Variants in RSPH6A observed in about 807,000 individuals in gnomAD.
RSPH6A encodes radial spoke head 6 homolog A, also known as radial spoke head protein 6 homolog A.
A neutral mutation model predicts 66.1 loss-of-function variants in RSPH6A; 49 were observed. The observed-to-expected ratio is 0.74, with a 90% confidence interval of 0.59 to 0.94. The LOEUF (loss-of-function observed/expected upper bound fraction) is 0.94, where lower values mean the gene tolerates loss of function less well. Ranked by LOEUF, RSPH6A falls within the 40% of genes least tolerant of loss-of-function variation. The pLI, the probability that RSPH6A is intolerant of heterozygous loss-of-function variation, is 0.00. For missense variants in RSPH6A, 977 were observed against 948.3 expected (o/e 1.03, Z -0.40); for synonymous variants, 419 against 402.4 (o/e 1.04, Z -0.49).
At chr19:45,800,758 ACACACACACACACACACTCT>A (rs1445840164) in intron 4 of RSPH6A, among the ~76,000 whole-genome samples, 195 bp from the exon 5 acceptor site, 2 of 117,630 alleles carry the variant, frequency 1.7e-5, no homozygotes, top group Non-Finnish European at 3.8e-5. Flanking sequence ...ACACACACAC[ACACACACACACACACACTCT>A]CTCTCTCTCT....
At position 45,804,135 on chromosome 19, in the gene RSPH6A, T is replaced by A; in HGVS notation, c.1653+117A>T. On this transcript the variant is annotated intron_variant, in intron 3 of 5. Coordinates refer to ENST00000221538, the MANE Select transcript of RSPH6A (RefSeq NM_030785.4). The surrounding 1 kb of genome is among the most constrained non-coding windows in gnomAD (Gnocchi z 5.8). ...TTGAACCAATGAATGGATGGATGAA[T>A]GAACGAATGAATATTAGTTGCCCAG... The A allele has an allele frequency of 2.6e-6, 2 of 772,646 alleles. No individual in the cohort carries two copies. Among genetic ancestry groups the A allele is most frequent in the Non-Finnish European group, 4.1e-6 (2 of 491,472 alleles). 47.9% of individuals were successfully genotyped at this position (772,646 alleles called of 1,614,324 possible).
At position 45,804,945 on chromosome 19, in the gene RSPH6A, C is replaced by T. The variant is rs142574841; in HGVS notation, c.960G>A (p.Ser320=). ...CCAGGAAAATGCGGAAGCTCTCGTCCGAGCTCAGGCCGACGCCGGCCTGCT... is the reference window on the plus strand; with the variant it reads ...CCAGGAAAATGCGGAAGCTCTCGTCTGAGCTCAGGCCGACGCCGGCCTGCT... ...YFEQAGVGLS[S]DESFRIFLAM... The change falls in exon 3 of 6, where the codon TCG becomes TCA. Residue 320 remains serine (S), a synonymous_variant. Coordinates refer to ENST00000221538, the MANE Select transcript of RSPH6A (RefSeq NM_030785.4). This position sits in a 1 kb window ranked among gnomAD's most constrained non-coding sequence, Gnocchi z 5.8. The T allele has an allele frequency of 1.5e-5, 25 of 1,614,026 alleles. No homozygotes were observed. Among genetic ancestry groups the T allele is most frequent in the Admixed American group, 1.5e-4 (9 of 60,000 alleles).
chr19:45,802,599 C>G (rs1372189019), intron 3 of RSPH6A, among the ~76,000 whole-genome samples: 2 of 149,982 alleles, frequency 1.3e-5, no homozygotes, highest in Non-Finnish European at 3.0e-5. Context: ...CTCTGCCTCC[C>G]GGTTTAAGTG....
rs370576871 is a variant in RSPH6A at position 45,795,840 on chromosome 19, G to T, written c.*29C>A. 4.6e-5 allele frequency: 73 copies of T among 1,575,888 alleles called. No individual in the cohort carries two copies. In the African/African-American group the frequency reaches 7.0e-4, roughly 15 times the overall value. ...CTAAGGGGAAATTTGCTATCTACCTGCTTGGGGAAAGTGGCTAGAGGGTGG... is the reference window on the plus strand; with the variant it reads ...CTAAGGGGAAATTTGCTATCTACCTTCTTGGGGAAAGTGGCTAGAGGGTGG... On this transcript the variant is annotated 3_prime_UTR_variant, in exon 6 of 6. Coordinates refer to ENST00000221538, the MANE Select transcript of RSPH6A (RefSeq NM_030785.4).
In RSPH6A at chr19:45,795,988, T is replaced by A; in HGVS notation, c.2035A>T (p.Ser679Cys). ...TGCTCCTCTTCCACTGTGGGGTCAC[T>A]CATCTCCATGATCTCTGGGCCACTG... ...YPSGPEIMEM[S>C]DPTVEEEQAL... The change falls in exon 6 of 6, where the codon AGT becomes TGT. Residue 679 changes from serine to cysteine, a missense_variant. Physicochemically the swap from Ser to Cys is moderately radical, Grantham distance 112. Transcript: ENST00000221538. 1 of 1,613,680 alleles carries A rather than the reference T, an allele frequency of 6.2e-7. No homozygotes were observed. Among genetic ancestry groups the A allele is most frequent in the East Asian group, 2.2e-5 (1 of 44,836 alleles).
chr19:45,798,394 G>A (rs981591973), intron 5 of RSPH6A, among the ~76,000 whole-genome samples: 1 of 151,698 alleles, frequency 6.6e-6, no homozygotes, highest in South Asian at 2.1e-4. Flanking sequence ...TAAAAATGAG[G>A]CCAGGCACAG....
rs943991936 is a variant in RSPH6A, at chr19:45,805,074, T to A, written c.889-58A>T. On this transcript the variant is annotated intron_variant, in intron 2 of 5. Coordinates refer to ENST00000221538, the MANE Select transcript of RSPH6A (RefSeq NM_030785.4). ...AATGCTGAAGCTCTGCTCCCTAGCC[T>A]ACCTCTTCCAGACTCTTCTAGAGTC... 56 of 1,440,370 alleles carry A rather than the reference T, an allele frequency of 3.9e-5. No individual in the cohort carries two copies. The Admixed American group carries it at 3.9e-4, about 10-fold the overall frequency. 89.2% of individuals were successfully genotyped at this position (1,440,370 alleles called of 1,614,324 possible).
At chr19:45,813,145 G>A (rs149914553) in intron 1 of RSPH6A, among the ~76,000 whole-genome samples, 51 of 152,058 alleles carry the variant, frequency 3.4e-4, no homozygotes, top group African/African-American at 1.2e-3. Context: ...CATTTCTCCC[G>A]CTCTCCCTCT....
At chr19:45,810,408 G>A (rs1018599537) in intron 2 of RSPH6A, among the ~76,000 whole-genome samples, 195 bp downstream of exon 2, 19 of 152,126 alleles carry the variant, frequency 1.2e-4, no homozygotes, top group African/African-American at 4.6e-4. Flanking sequence ...CTGACCTCGT[G>A]ATCTGCCCAC....
In RSPH6A at chr19:45,804,633, G is replaced by T. The variant is rs757295240; in HGVS notation, c.1272C>A (p.Asn424Lys). 1.2e-5 allele frequency: 20 copies of T among 1,614,036 alleles called. No individual in the cohort carries two copies. Among genetic ancestry groups the T allele is most frequent in the Admixed American group, 5.0e-5 (3 of 59,996 alleles). ...CGTTGCACACAAAGTACAGGTACTT[G>T]TTGGCGCCTGAGCGGCTCTCCTCCT... ...IPKEESRSGA[N>K]KYLYFVCNEP... The change falls in exon 3 of 6, where the codon AAC becomes AAA. Residue 424 changes from asparagine (N) to lysine (K), a missense_variant. Coordinates refer to ENST00000221538, the MANE Select transcript of RSPH6A (RefSeq NM_030785.4). This position sits in a 1 kb window ranked among gnomAD's most constrained non-coding sequence, Gnocchi z 5.8.
chr19:45,815,120 C>T lies in RSPH6A; in HGVS notation c.57G>A (p.Arg19=), dbSNP rs1320256452. The change falls in exon 1 of 6, where the codon AGG becomes AGA. Residue 19 remains arginine, a synonymous_variant. Transcript: ENST00000221538. ...ERPAQQPPGR[R]TSQASQRRHS... Reference sequence around the variant, plus strand: ...GCCGCCTCTGGGAGGCCTGAGAAGTCCTCCGGCCCGGAGGCTGCTGGGCAG... The same window carrying T: ...GCCGCCTCTGGGAGGCCTGAGAAGTTCTCCGGCCCGGAGGCTGCTGGGCAG... The T allele has an allele frequency of 1.2e-6, 2 of 1,612,258 alleles. No homozygotes were observed. The highest frequency in any genetic ancestry group is 1.7e-4 in the Middle Eastern group (1 of 5,944).
At chr19:45,796,805 G>A (rs1401210400) in intron 5 of RSPH6A, among the ~76,000 whole-genome samples, 1 of 151,938 alleles carries the variant, frequency 6.6e-6, no homozygotes, top group Non-Finnish European at 1.5e-5. Flanking sequence ...GAGCCACCAT[G>A]CCTGGCCTAA....
At chr19:45,800,730 CCACACACACA>C (rs3045732) in intron 4 of RSPH6A, among the ~76,000 whole-genome samples, 167 bp from the exon 5 acceptor site, 22 of 113,354 alleles carry the variant, frequency 1.9e-4, no homozygotes, top group Middle Eastern at 5.1e-3. Context: ...TCGCTGCAGA[CCACACACACA>C]CACACACACA....
At position 45,802,217 on chromosome 19, in the gene RSPH6A, C is replaced by G; in HGVS notation, c.1701G>C (p.Glu567Asp). Residue 567 changes from glutamate (E) to aspartate (D), a missense_variant, in exon 4 of 6, where the codon GAG becomes GAC. By Grantham distance (45) the Glu-to-Asp change is conservative (BLOSUM62 2). Coordinates refer to ENST00000221538, the MANE Select transcript of RSPH6A (RefSeq NM_030785.4). ...VNPLQKTEEE[E>D]DLGEEEEKAD... ...CCTTCTCTTCCTCCTCCCCCAGGTC[C>G]TCCTCCTCCTCTGTCTTCTGCAAAG... The G allele has an allele frequency of 6.5e-7, 1 of 1,530,408 alleles. No homozygotes were observed. The highest frequency in any genetic ancestry group is 8.8e-7 in the Non-Finnish European group (1 of 1,132,582). 94.8% of individuals were successfully genotyped at this position (1,530,408 alleles called of 1,614,324 possible).
intron 2 of RSPH6A, among the ~76,000 whole-genome samples, chr19:45,808,867 G>A (rs1301938487): frequency 1.1e-4 from 16 of 151,122 alleles, no homozygotes; most frequent in East Asian, 2.0e-4. Flanking sequence ...GGGTTTCACC[G>A]TGTTAGCCAG....
intron 2 of RSPH6A, among the ~76,000 whole-genome samples, chr19:45,808,149 G>A (rs1424064134): frequency 2.6e-5 from 4 of 152,202 alleles, no homozygotes; most frequent in African/African-American, 4.8e-5. Context: ...AGATGTGGGC[G>A]GGCGCCATGG....
chr19:45,800,331 C>G, intron 5 of RSPH6A, 115 bp downstream of exon 5: 1 of 861,378 alleles, frequency 1.2e-6, no homozygotes, highest in Non-Finnish European at 1.9e-6. Context: ...GTCCTTGGGG[C>G]TTCCTGAAGG....
intron 4 of RSPH6A, among the ~76,000 whole-genome samples, chr19:45,800,770 A>ACT (rs1555791174): frequency 2.3e-3 from 197 of 84,270 alleles, no homozygotes; most frequent in African/African-American, 3.1e-3. Flanking sequence ...ACACACACAC[A>ACT]CACACTCTCT....
intron 1 of RSPH6A, among the ~76,000 whole-genome samples, chr19:45,813,598 GCCT>G (rs1366383586): frequency 1.3e-5 from 2 of 152,202 alleles, no homozygotes; most frequent in Non-Finnish European, 2.9e-5. Context: ...GCCCGTCTTG[GCCT>G]CCTCAAGTGC....
Sources: gnomAD v4.1 joint callset for allele counts (sites outside exome capture counted in the v4.1 genomes callset) on GRCh38, gnomAD v4.1.1 for gene constraint, Gnocchi (gnomAD v3.1) non-coding constraint, MANE v1.5 for transcripts, NCBI Gene and HGNC (gene_info 2026-07-23, HGNC 2026-07-21) for gene names.